KCNN3: variants seen among roughly 807,000 people sequenced by gnomAD.
The protein encoded by KCNN3 is potassium calcium-activated channel subfamily N member 3, also known as small conductance calcium-activated potassium channel protein 3.
KCNN3 carries 16 observed loss-of-function variants against 62.9 expected under a neutral mutation model. The ratio of observed to expected loss-of-function variants is 0.25; its 90% CI spans 0.17 to 0.39. The LOEUF (loss-of-function observed/expected upper bound fraction) is 0.39, where lower values mean the gene tolerates loss of function less well. Ranked by LOEUF, KCNN3 falls within the 10% of genes least tolerant of loss-of-function variation. The pLI, the probability that KCNN3 is intolerant of heterozygous loss-of-function variation, is 1.00. For synonymous variants in KCNN3, 370 were observed against 389.2 expected (o/e 0.95, Z 0.58); for missense variants, 599 against 949.4 (o/e 0.63, Z 4.85).
chr1:154,823,634 A>G (rs945871378), intron 1 of KCNN3, among the ~76,000 whole-genome samples: 1 of 152,230 alleles, frequency 6.6e-6, no homozygotes, highest in African/African-American at 2.4e-5. Flanking sequence ...GAAACATGGG[A>G]AGCATCCATT....
chr1:154,717,550 A>T (rs1700256665), intron 5 of KCNN3, among the ~76,000 whole-genome samples: 2 of 147,858 alleles, frequency 1.4e-5, no homozygotes, highest in South Asian at 4.3e-4. Flanking sequence ...AGAGCACTGG[A>T]TTTTTTTTTT....
intron 2 of KCNN3, among the ~76,000 whole-genome samples, chr1:154,776,924 T>C (rs994165983): frequency 6.6e-6 from 1 of 152,176 alleles, no homozygotes; most frequent in Non-Finnish European, 1.5e-5. Flanking sequence ...GTCTAAAATG[T>C]AACCAGGGTT....
At chr1:154,811,361 C>T (rs1650400736) in intron 2 of KCNN3, among the ~76,000 whole-genome samples, 1 of 152,058 alleles carries the variant, frequency 6.6e-6, no homozygotes. Flanking sequence ...AATAAGGATA[C>T]AAATATATAT....
At chr1:154,785,646 G>A (rs1323134380) in intron 2 of KCNN3, among the ~76,000 whole-genome samples, 2 of 135,768 alleles carry the variant, frequency 1.5e-5, no homozygotes, top group Admixed American at 8.2e-5. Context: ...ACAGTGGCAC[G>A]ATTATGGCTC....
intron 3 of KCNN3, among the ~76,000 whole-genome samples, chr1:154,753,947 C>T (rs964135049): frequency 2.0e-5 from 3 of 152,176 alleles, no homozygotes; most frequent in Non-Finnish European, 4.4e-5. Context: ...CACAGCTGGT[C>T]CGTTGTCAAG....
intron 1 of KCNN3, among the ~76,000 whole-genome samples, chr1:154,838,035 A>AC (rs1651672058): frequency 1.3e-5 from 2 of 152,016 alleles, no homozygotes; most frequent in African/African-American, 4.8e-5. Flanking sequence ...TGGAGGACTC[A>AC]CCCCTCTCCC....
chr1:154,734,862 A>G (rs1700677172), intron 3 of KCNN3, among the ~76,000 whole-genome samples: 1 of 152,208 alleles, frequency 6.6e-6, no homozygotes, highest in Admixed American at 6.5e-5. Flanking sequence ...GACACACAGG[A>G]AGCAAAGCCC....
chr1:154,728,105 T>C (rs1432539521), intron 4 of KCNN3, among the ~76,000 whole-genome samples: 1 of 152,200 alleles, frequency 6.6e-6, no homozygotes, highest in Non-Finnish European at 1.5e-5. Flanking sequence ...CAATCAATCA[T>C]CCACCATTCC....
chr1:154,783,390 CTA>C (rs1220747354), intron 2 of KCNN3, among the ~76,000 whole-genome samples: 1 of 152,148 alleles, frequency 6.6e-6, no homozygotes, highest in Non-Finnish European at 1.5e-5. Context: ...CTAGACTGGG[CTA>C]TGTTTGTGGA....
intron 7 of KCNN3, among the ~76,000 whole-genome samples, chr1:154,712,106 G>T (rs751908989): frequency 3.9e-5 from 6 of 152,170 alleles, no homozygotes; most frequent in Non-Finnish European, 5.9e-5. Flanking sequence ...GGACAGAGAA[G>T]AAATGGTGAG....
At chr1:154,859,662 C>G in intron 1 of KCNN3, 1 of 1,608,248 alleles carries the variant, frequency 6.2e-7, no homozygotes, top group South Asian at 1.1e-5. Flanking sequence ...TTCCTCCTCC[C>G]TACCTACTGG....
Position 154,772,241 on chromosome 1 carries a change from G to A in KCNN3, c.1182C>T (p.Tyr394=), listed in dbSNP as rs141600491. The change falls in exon 3 of 8, where the codon TAC becomes TAT. Residue 394 remains tyrosine (Y), a synonymous_variant. Coordinates refer to ENST00000271915, the MANE Select transcript of KCNN3 (RefSeq NM_002249.6). This position sits in a 1 kb window ranked among gnomAD's most constrained non-coding sequence, Gnocchi z 5.6. ...FFWTARLAFS[Y]TPSRAEADVD... ...CATCGGCCTCCGCCCGGGAGGGTGTGTAGGAGAAGGCCAGGCGTGCCGTCC... is the reference window on the plus strand; with the variant it reads ...CATCGGCCTCCGCCCGGGAGGGTGTATAGGAGAAGGCCAGGCGTGCCGTCC... 39 of 1,614,260 alleles carry A rather than the reference G, an allele frequency of 2.4e-5. No individual in the cohort carries two copies. The highest frequency in any genetic ancestry group is 2.3e-4 in the South Asian group (21 of 91,086).
At chr1:154,775,558 G>A (rs1214620423) in intron 2 of KCNN3, among the ~76,000 whole-genome samples, 1 of 150,988 alleles carries the variant, frequency 6.6e-6, no homozygotes, top group Non-Finnish European at 1.5e-5. Context: ...GGCCCTCTGA[G>A]CAGCCAGCCC....
intron 2 of KCNN3, among the ~76,000 whole-genome samples, chr1:154,799,813 G>A (rs1179403632): frequency 1.3e-5 from 2 of 152,238 alleles, no homozygotes; most frequent in African/African-American, 2.4e-5. Context: ...AGCAGAGCAT[G>A]GGACCCAGGA....
intron 1 of KCNN3, among the ~76,000 whole-genome samples, chr1:154,836,375 G>A (rs1028806255): frequency 6.6e-6 from 1 of 152,164 alleles, no homozygotes; most frequent in Non-Finnish European, 1.5e-5. Context: ...GCCCTGCACC[G>A]GTTACAGAAT....
intron 1 of KCNN3, among the ~76,000 whole-genome samples, chr1:154,822,953 C>T (rs111981849): frequency 1.3e-3 from 199 of 152,320 alleles, no homozygotes; most frequent in African/African-American, 4.5e-3. Flanking sequence ...CCCAGCCCTG[C>T]GACAGCCATT....
chr1:154,734,731 T>A (rs1700673907), intron 3 of KCNN3, among the ~76,000 whole-genome samples: 1 of 152,202 alleles, frequency 6.6e-6, no homozygotes, highest in South Asian at 2.1e-4. Context: ...ACTGTGCATG[T>A]ATTGAGCACC....
At chr1:154,810,683 G>A (rs1007695677) in intron 2 of KCNN3, among the ~76,000 whole-genome samples, 1 of 152,212 alleles carries the variant, frequency 6.6e-6, no homozygotes, top group Non-Finnish European at 1.5e-5. Flanking sequence ...GTGTGGCTGG[G>A]ATGAGGGCCT....
chr1:154,732,524 G>A (rs1168392500), intron 4 of KCNN3, among the ~76,000 whole-genome samples: 2 of 152,188 alleles, frequency 1.3e-5, no homozygotes, highest in Non-Finnish European at 2.9e-5. Flanking sequence ...CAGGACTCAG[G>A]TCCCAAAGGC....
Sources: gnomAD v4.1 joint callset for allele counts (sites outside exome capture counted in the v4.1 genomes callset) on GRCh38, gnomAD v4.1.1 for gene constraint, Gnocchi (gnomAD v3.1) non-coding constraint, MANE v1.5 for transcripts, NCBI Gene and HGNC (gene_info 2026-07-23, HGNC 2026-07-21) for gene names.